The following SMG7 variants were observed in gnomAD, a reference collection of about 807,000 sequenced individuals.
SMG7 encodes nonsense-mediated mRNA decay factor SMG7.
A neutral mutation model predicts 148.2 loss-of-function variants in SMG7; 34 were observed. The observed-to-expected ratio is 0.23, with a 90% CI of 0.17 to 0.31. The LOEUF (loss-of-function observed/expected upper bound fraction) is 0.31. Among genes scored for constraint, SMG7 ranks in the 10% least tolerant of loss-of-function variants. SMG7 has a pLI of 1.00. For synonymous variants in SMG7, 492 were observed against 515.1 expected, an observed-to-expected ratio of 0.96 and a Z score of 0.61; for missense variants, 1,114 against 1,408.4, an observed-to-expected ratio of 0.79 and a Z score of 3.35.
chr1:183,523,707 TC>T (rs1309624798), intron 4 of SMG7, among the ~76,000 whole-genome samples: 1 of 152,210 alleles, frequency 6.6e-6, no homozygotes, highest in Non-Finnish European at 1.5e-5. Flanking sequence ...AGCTTTTCTG[TC>T]TGATATCACC....
chr1:183,503,835 T>C (rs1474044567), intron 1 of SMG7, among the ~76,000 whole-genome samples: 1 of 152,236 alleles, frequency 6.6e-6, no homozygotes, highest in Non-Finnish European at 1.5e-5. Context: ...ATTTTATGGA[T>C]GAGGAAACAG....
At chr1:183,497,620 A>G (rs1412481442) in intron 1 of SMG7, among the ~76,000 whole-genome samples, 2 of 151,964 alleles carry the variant, frequency 1.3e-5, no homozygotes, top group African/African-American at 4.8e-5. Flanking sequence ...CCCAGGCTGG[A>G]GTGCAGTGGC....
chr1:183,516,846 A>G (rs1476401354), intron 3 of SMG7, among the ~76,000 whole-genome samples: 1 of 152,334 alleles, frequency 6.6e-6, no homozygotes, highest in Admixed American at 6.5e-5. Context: ...CTCCTAAGTC[A>G]TTAAAAAGCC....
chr1:183,491,297 C>T (rs1214859934), intron 1 of SMG7, among the ~76,000 whole-genome samples: 1 of 152,236 alleles, frequency 6.6e-6, no homozygotes, highest in Admixed American at 6.5e-5. Flanking sequence ...CCTTTGTTTA[C>T]TGCTGAATAA....
intron 1 of SMG7, among the ~76,000 whole-genome samples, chr1:183,502,040 T>G (rs1241162944): frequency 1.3e-5 from 2 of 152,152 alleles, no homozygotes; most frequent in Non-Finnish European, 2.9e-5. Flanking sequence ...TAGAATAACA[T>G]TTTGGTCTAT....
chr1:183,519,886 G>GT (rs1170153339), intron 4 of SMG7, among the ~76,000 whole-genome samples: 2 of 152,102 alleles, frequency 1.3e-5, no homozygotes, highest in African/African-American at 4.8e-5. Context: ...TCATTAGAAA[G>GT]TTTAAAGTGA....
At chr1:183,536,054 C>T (rs1055507240) in intron 10 of SMG7, among the ~76,000 whole-genome samples, 9 of 151,962 alleles carry the variant, frequency 5.9e-5, no homozygotes, top group African/African-American at 1.4e-4. Flanking sequence ...TACAATTTTC[C>T]GTAGTGTGAT....
In SMG7 at chr1:183,554,073, C is replaced by T. The variant is rs962076743; in HGVS notation, c.*2142C>T. On this transcript the variant is annotated 3_prime_UTR_variant, in exon 23 of 23. Coordinates refer to ENST00000688051, the MANE Select transcript of SMG7 (RefSeq NM_001375584.1). Reference sequence around the variant, plus strand: ...TCAGAAACTGGTTTTGTGTAGTAAACTTTCTTTTGTGGTTTTTTGTTTTGT... The same window carrying T: ...TCAGAAACTGGTTTTGTGTAGTAAATTTTCTTTTGTGGTTTTTTGTTTTGT... 7.9e-5 allele frequency: 12 copies of T among 152,536 alleles called. No individual in the cohort carries two copies. The highest frequency in any genetic ancestry group is 2.9e-4 in the African/African-American group (12 of 41,406). 9.4% of individuals were successfully genotyped at this position (152,536 alleles called of 1,614,324 possible). A position where few individuals can be genotyped will look rare whatever the true frequency, so the allele number is the denominator to read the frequency against.
At chr1:183,502,441 G>GATGT in intron 1 of SMG7, 1 of 1,431,950 alleles carries the variant, frequency 7.0e-7, no homozygotes, top group Non-Finnish European at 9.4e-7. Context: ...TCCTTTTGGA[G>GATGT]ATGTGTATTA....
Position 183,552,341 on chromosome 1 carries a change from A to AC in SMG7, c.*410_*411insC. On this transcript the variant is annotated 3_prime_UTR_variant, in exon 23 of 23. Transcript: ENST00000688051. The stretch of plus-strand genomic sequence containing the variant: ...TTGGGGAATAAAATAGGAATCCATT[A>AC]ATGATTGCTTTGCTGACTGAGAATG... 1.0e-6 allele frequency: 1 copy of AC among 995,414 alleles called. No individual in the cohort carries two copies. Among genetic ancestry groups the AC allele is most frequent in the Non-Finnish European group, 1.2e-6 (1 of 836,428 alleles). 61.7% of individuals were successfully genotyped at this position (995,414 alleles called of 1,614,324 possible).
At chr1:183,528,845 C>T (rs752291321) in intron 6 of SMG7, 47 bp from the exon 7 acceptor site, 2 of 1,488,474 alleles carry the variant, frequency 1.3e-6, no homozygotes, top group South Asian at 2.4e-5. Context: ...TATAGCAAGA[C>T]TTTGTCACTC....
chr1:183,492,108 G>A (rs191551146), intron 1 of SMG7, among the ~76,000 whole-genome samples: 111 of 152,306 alleles, frequency 7.3e-4, no homozygotes, highest in African/African-American at 2.5e-3. Flanking sequence ...GGCACAAGCC[G>A]TCATACCATA....
chr1:183,482,963 A>G (rs1459321999), intron 1 of SMG7, among the ~76,000 whole-genome samples: 1 of 152,176 alleles, frequency 6.6e-6, no homozygotes, highest in Non-Finnish European at 1.5e-5. Flanking sequence ...AATATCAGAA[A>G]TCTTTAGTTA....
intron 18 of SMG7, 24 bp downstream of exon 18, chr1:183,547,276 T>C: frequency 6.5e-7 from 1 of 1,544,134 alleles, no homozygotes; most frequent in South Asian, 1.2e-5. Context: ...ATAATTCTGC[T>C]TCTTGGTCTA....
intron 9 of SMG7, 96 bp from the exon 10 acceptor site, chr1:183,533,580 T>C: frequency 9.4e-7 from 1 of 1,061,658 alleles, no homozygotes; most frequent in East Asian, 2.5e-5. Flanking sequence ...GATACTCAAG[T>C]GTTAAACAGA....
intron 1 of SMG7, among the ~76,000 whole-genome samples, chr1:183,488,171 G>A (rs527341538): frequency 9.2e-5 from 14 of 152,302 alleles, no homozygotes; most frequent in Non-Finnish European, 1.9e-4. Flanking sequence ...GCTATTGGCT[G>A]TACTTTTGCC....
chr1:183,552,154 A>C lies in SMG7; in HGVS notation c.*223A>C. On this transcript the variant is annotated 3_prime_UTR_variant, in exon 23 of 23. Transcript: ENST00000688051. Reference sequence around the variant, plus strand: ...TCTCCGTCCCCCCGGGGCCCTCCGGAGGGAGAGAGAGAGGAACTGCTGTTT... The same window carrying C: ...TCTCCGTCCCCCCGGGGCCCTCCGGCGGGAGAGAGAGAGGAACTGCTGTTT... 8.3e-7 allele frequency: 1 copy of C among 1,197,806 alleles called. No individual in the cohort carries two copies. Among genetic ancestry groups the C allele is most frequent in the Non-Finnish European group, 1.0e-6 (1 of 958,646 alleles). The allele number at this position is 1,197,806 out of a possible 1,614,324, so 74.2% of individuals were successfully genotyped here.
chr1:183,506,044 G>T (rs562877789), intron 1 of SMG7, among the ~76,000 whole-genome samples: 1 of 152,290 alleles, frequency 6.6e-6, no homozygotes, highest in East Asian at 1.9e-4. Flanking sequence ...GTTCTGTCTG[G>T]ATTCTTCAGC....
Position 183,533,199 on chromosome 1 carries a change from G to A in SMG7, c.879G>A (p.Gln293=), listed in dbSNP as rs2102640804. The change falls in exon 9 of 23, where the codon CAG becomes CAA. Residue 293 remains glutamine (Q), a synonymous_variant. Coordinates refer to ENST00000688051, the MANE Select transcript of SMG7 (RefSeq NM_001375584.1). ...TCCAAAAAGCTTTCAACTCTCAGCA[G>A]TTAGTTCATGTCACTGTCATTAACC... ...LLFQKAFNSQ[Q]LVHVTVINLF... 1 of 1,613,854 alleles carries A rather than the reference G, an allele frequency of 6.2e-7. No homozygotes were observed. The highest frequency in any genetic ancestry group is 2.2e-5 in the East Asian group (1 of 44,870).
Sources: gnomAD v4.1 joint callset for allele counts (sites outside exome capture counted in the v4.1 genomes callset) on GRCh38, gnomAD v4.1.1 for gene constraint, MANE v1.5 for transcripts, NCBI Gene and HGNC (gene_info 2026-07-23, HGNC 2026-07-21) for gene names.